Variants in GPHN observed in about 807,000 individuals in gnomAD.
GPHN encodes gephyrin.
In GPHN, 17 loss-of-function variants were observed where a neutral mutation model predicts 95.5. The ratio of observed to expected loss-of-function variants is 0.18; its 90% CI spans 0.12 to 0.27. GPHN has a LOEUF of 0.27. Ranked by LOEUF, GPHN falls within the 10% of genes least tolerant of loss-of-function variation. The pLI is 1.00. For synonymous variants in GPHN, 320 were observed against 322.5 expected (o/e 0.99, Z 0.08); for missense variants, 660 against 978.1 (o/e 0.67, Z 4.34).
chr14:67,394,873 G>A, the GPHN span, among the ~76,000 whole-genome samples: 2 of 152,056 alleles, frequency 1.3e-5, no homozygotes, highest in East Asian at 1.9e-4. Flanking sequence ...AAGAGAGATC[G>A]GAGCAAGCAT....
At chr14:66,886,502 A>G (rs1319483086) in intron 5 of GPHN, among the ~76,000 whole-genome samples, 1 of 152,090 alleles carries the variant, frequency 6.6e-6, no homozygotes, top group Non-Finnish European at 1.5e-5. Context: ...GTTCCAGTGA[A>G]TTATGGATGA....
At chr14:67,348,728 G>T in the GPHN span, 1 of 225,114 alleles carries the variant, frequency 4.4e-6, no homozygotes, top group South Asian at 5.8e-5. Flanking sequence ...CACCATGTTG[G>T]CCAGGCTGGT....
chr14:67,586,398 C>T, the GPHN span: 3 of 1,351,482 alleles, frequency 2.2e-6, no homozygotes, highest in Admixed American at 4.4e-5. Flanking sequence ...CAGTTGGGTG[C>T]TTACGTGCTC....
At chr14:66,681,052 TAAATG>T in intron 1 of GPHN, 50 bp from the exon 2 acceptor site, 1 of 1,048,538 alleles carries the variant, frequency 9.5e-7, no homozygotes, top group Non-Finnish European at 1.5e-6. Context: ...AGCAATAGCT[TAAATG>T]AAATGTAGAC....
At chr14:66,680,150 C>T (rs888410720) in intron 1 of GPHN, among the ~76,000 whole-genome samples, 5 of 152,182 alleles carry the variant, frequency 3.3e-5, no homozygotes, top group African/African-American at 1.2e-4. Context: ...GTCCTAATGA[C>T]AACAACTGTT....
the GPHN span, among the ~76,000 whole-genome samples, chr14:67,624,529 G>A: frequency 6.6e-6 from 1 of 152,168 alleles, no homozygotes; most frequent in African/African-American, 2.4e-5. Flanking sequence ...GTCTTATATG[G>A]CAGGAGCAGG....
At chr14:66,774,589 A>T (rs991719322) in intron 2 of GPHN, among the ~76,000 whole-genome samples, 53 of 152,098 alleles carry the variant, frequency 3.5e-4, no homozygotes, top group African/African-American at 1.2e-3. Context: ...TTCTCTCAAA[A>T]AGTCTTGTAT....
downstream of GPHN, among the ~76,000 whole-genome samples, chr14:67,186,573 G>A (rs370937298): frequency 7.2e-5 from 11 of 152,292 alleles, no homozygotes; most frequent in South Asian, 1.7e-3. Flanking sequence ...GGTCAGACCC[G>A]ATGGAGCCAG....
chr14:67,697,256 C>A, the GPHN span, among the ~76,000 whole-genome samples: 10 of 152,170 alleles, frequency 6.6e-5, no homozygotes, highest in African/African-American at 2.4e-4. Flanking sequence ...TTAGAGAAAG[C>A]TCTGGGAGCT....
At chr14:67,599,858 T>A in the GPHN span, among the ~76,000 whole-genome samples, 2 of 152,208 alleles carry the variant, frequency 1.3e-5, no homozygotes, top group Non-Finnish European at 2.9e-5. Context: ...TTTAAAGAGC[T>A]GTCCAGCAGC....
chr14:67,612,827 C>A, the GPHN span, among the ~76,000 whole-genome samples: 4 of 152,072 alleles, frequency 2.6e-5, no homozygotes, highest in African/African-American at 7.2e-5. Flanking sequence ...CACCTGTAAT[C>A]CCAGCTACTC....
At chr14:67,336,642 C>T in the GPHN span, 1 of 442,862 alleles carries the variant, frequency 2.3e-6, no homozygotes, top group Non-Finnish European at 4.5e-6. Context: ...TAAATCAAAT[C>T]ATACTTGACT....
At chr14:67,732,882 T>G in the GPHN span, among the ~76,000 whole-genome samples, 5 of 152,278 alleles carry the variant, frequency 3.3e-5, no homozygotes, top group East Asian at 7.7e-4. Context: ...TGCCCAGCCG[T>G]GATAGGCTTT....
chr14:66,982,538 T>A (rs1364168957), intron 9 of GPHN, among the ~76,000 whole-genome samples: 1 of 152,196 alleles, frequency 6.6e-6, no homozygotes, highest in Non-Finnish European at 1.5e-5. Context: ...TTAAATATAT[T>A]CTAGTTGAGA....
the GPHN span, among the ~76,000 whole-genome samples, chr14:67,265,341 G>C: frequency 2.0e-5 from 3 of 151,910 alleles, no homozygotes; most frequent in Admixed American, 6.6e-5. Flanking sequence ...GAGGACTCTT[G>C]AGGCAAGGAG....
At chr14:66,780,768 G>A (rs2059576411) in intron 3 of GPHN, among the ~76,000 whole-genome samples, 1 of 152,084 alleles carries the variant, frequency 6.6e-6, no homozygotes, top group South Asian at 2.1e-4. Flanking sequence ...AATATTTGAT[G>A]GCACATTAGC....
the GPHN span, among the ~76,000 whole-genome samples, chr14:67,626,605 G>C: frequency 6.6e-6 from 1 of 152,010 alleles, no homozygotes; most frequent in Non-Finnish European, 1.5e-5. Flanking sequence ...TGAGTACCTG[G>C]GACCACAGGC....
chr14:67,323,799 G>A, the GPHN span: 1 of 1,567,254 alleles, frequency 6.4e-7, no homozygotes, highest in Non-Finnish European at 8.7e-7. Flanking sequence ...GCCAAAGAAG[G>A]CAAGAATCCA....
At chr14:67,105,687 T>C (rs1485835973) in intron 13 of GPHN, among the ~76,000 whole-genome samples, 2 of 152,212 alleles carry the variant, frequency 1.3e-5, no homozygotes, top group East Asian at 3.8e-4. Context: ...ATCAAATATC[T>C]TGATTCATTT....
Sources: gnomAD v4.1 joint callset for allele counts (sites outside exome capture counted in the v4.1 genomes callset) on GRCh38, gnomAD v4.1.1 for gene constraint, MANE v1.5 for transcripts, NCBI Gene and HGNC (gene_info 2026-07-23, HGNC 2026-07-21) for gene names.